Variants in CSPP1 observed in about 807,000 individuals in gnomAD.
CSPP1 encodes centrosome and spindle pole-associated protein 1.
CSPP1 carries 126 observed loss-of-function variants against 164.4 expected under a neutral mutation model. That is an observed-to-expected ratio of 0.77 (90% CI 0.66 to 0.89). The LOEUF is 0.89. CSPP1 is among the 40% of genes least tolerant of loss of function. The pLI is 0.00. For missense variants in CSPP1, 1,395 were observed against 1,449.8 expected (o/e 0.96, Z 0.61); for synonymous variants, 472 against 476.7 (o/e 0.99, Z 0.13).
At position 67,179,068 on chromosome 8, in the gene CSPP1, T is replaced by C. The variant is rs141309256; in HGVS notation, c.3157-795T>C. On this transcript the variant is annotated intron_variant, in intron 27 of 30. Coordinates refer to ENST00000678616, the MANE Select transcript of CSPP1 (RefSeq NM_001382391.1). ...TGCCTTAAAAATTAATGGACAGCTC[T>C]TTGCTGGAGTGTCCTACTGAAGCCC... is the stretch of plus-strand genomic sequence containing the variant. Among the ~76,000 whole-genome samples the C allele has an allele frequency of 8.9e-3, 1,361 of 152,296 alleles. 24 individuals are homozygous for C. Among genetic ancestry groups the C allele is most frequent in the African/African-American group, 0.031 (1,296 of 41,534 alleles).
chr8:67,128,068 T>G (rs1820446870), intron 15 of CSPP1, among the ~76,000 whole-genome samples: 1 of 152,178 alleles, frequency 6.6e-6, no homozygotes, highest in Non-Finnish European at 1.5e-5. Flanking sequence ...AGCTTTAGTC[T>G]TTCATAAGGA....
At chr8:67,137,319 G>C in intron 16 of CSPP1, 137 bp from the exon 17 acceptor site, 2 of 549,762 alleles carry the variant, frequency 3.6e-6, no homozygotes, top group Non-Finnish European at 6.1e-6. Context: ...ACCTTTGTAG[G>C]GGGGTACACT....
chr8:67,131,861 T>C, intron 15 of CSPP1, 90 bp from the exon 16 acceptor site: 1 of 1,166,968 alleles, frequency 8.6e-7, no homozygotes, highest in Non-Finnish European at 1.2e-6. Context: ...TTAAATGTAT[T>C]TATATGCCAT....
intron 19 of CSPP1, among the ~76,000 whole-genome samples, chr8:67,154,567 C>T (rs1026069307): frequency 6.6e-6 from 1 of 151,748 alleles, no homozygotes; most frequent in Admixed American, 6.6e-5. Flanking sequence ...AGGGTTTCAC[C>T]GTATTAGCCA....
intron 15 of CSPP1, among the ~76,000 whole-genome samples, chr8:67,126,085 G>A (rs1481868339): frequency 3.9e-5 from 6 of 152,190 alleles, no homozygotes; most frequent in Non-Finnish European, 2.9e-5. Flanking sequence ...GCCCGCCTCG[G>A]CCTCTCAAAG....
intron 12 of CSPP1, chr8:67,114,806 A>C (rs994311578): frequency 6.6e-6 from 1 of 152,230 alleles, no homozygotes; most frequent in Non-Finnish European, 1.5e-5. Flanking sequence ...TGGTTACACT[A>C]GTGTGTGACA....
At chr8:67,100,362 A>C (rs1182948964) in intron 7 of CSPP1, among the ~76,000 whole-genome samples, 1 of 152,112 alleles carries the variant, frequency 6.6e-6, no homozygotes, top group Non-Finnish European at 1.5e-5. Flanking sequence ...AGAGACTGTA[A>C]AAGATTTTTT....
At chr8:67,110,049 C>G (rs886534161) in intron 9 of CSPP1, among the ~76,000 whole-genome samples, 1 of 151,950 alleles carries the variant, frequency 6.6e-6, no homozygotes, top group Non-Finnish European at 1.5e-5. Context: ...ATGCAAGTTC[C>G]CACCATGAAT....
At chr8:67,192,784 T>G (rs900272429) in intron 29 of CSPP1, among the ~76,000 whole-genome samples, 3 of 152,122 alleles carry the variant, frequency 2.0e-5, no homozygotes, top group Non-Finnish European at 4.4e-5. Flanking sequence ...CACTGCATTT[T>G]GTTAACTCCG....
chr8:67,127,399 CT>C (rs1431392972), intron 15 of CSPP1, among the ~76,000 whole-genome samples: 2 of 152,078 alleles, frequency 1.3e-5, no homozygotes, highest in Non-Finnish European at 2.9e-5. Context: ...GGTCTCTGGT[CT>C]TTCCCCCACT....
intron 3 of CSPP1, among the ~76,000 whole-genome samples, chr8:67,080,352 G>A (rs1808889140): frequency 1.3e-5 from 2 of 152,188 alleles, no homozygotes; most frequent in East Asian, 1.9e-4. Context: ...ATAGCTCATA[G>A]TACAACTATC....
chr8:67,067,653 C>T (rs1306650261), intron 1 of CSPP1, among the ~76,000 whole-genome samples: 2 of 150,906 alleles, frequency 1.3e-5, no homozygotes, highest in East Asian at 2.0e-4. Flanking sequence ...TTAGTAGAGA[C>T]GGGGTTTCAC....
chr8:67,077,335 ATT>A (rs891937068), intron 3 of CSPP1, among the ~76,000 whole-genome samples: 1 of 135,502 alleles, frequency 7.4e-6, no homozygotes. Context: ...AATATATATA[ATT>A]TTTTTTTTTT....
chr8:67,175,253 AAAC>A (rs1292964982), intron 25 of CSPP1, 40 bp from the exon 26 acceptor site: 4 of 1,482,840 alleles, frequency 2.7e-6, no homozygotes, highest in African/African-American at 1.4e-5. Flanking sequence ...TCCCATTTGA[AAAC>A]AACATTTAAC....
At chr8:67,128,715 G>C (rs1290636317) in intron 15 of CSPP1, among the ~76,000 whole-genome samples, 2 of 152,086 alleles carry the variant, frequency 1.3e-5, no homozygotes. Context: ...CATTAGCACA[G>C]ACACAAGGAT....
intron 15 of CSPP1, chr8:67,123,131 A>T (rs1819315424): frequency 6.6e-6 from 1 of 152,260 alleles, no homozygotes; most frequent in Non-Finnish European, 1.5e-5. Flanking sequence ...TCCTGGCCTC[A>T]AGCGATCCTC....
In CSPP1 at chr8:67,191,979, G is replaced by A. The variant is rs536455982; in HGVS notation, c.3330+1220G>A. ...CATGGTGGTTTTGAGTTGCATTTCTGTAATGATATTGAACATCTTTTCATG... is the reference window on the plus strand; with the variant it reads ...CATGGTGGTTTTGAGTTGCATTTCTATAATGATATTGAACATCTTTTCATG... On this transcript the variant is annotated intron_variant, in intron 29 of 30. Transcript: ENST00000678616. Among the ~76,000 whole-genome samples, 9 of 151,366 alleles carry A rather than the reference G, an allele frequency of 5.9e-5. No individual in the cohort carries two copies. The South Asian group carries it at 1.9e-3, about 31-fold the overall frequency.
At chr8:67,140,851 A>G (rs1823348462) in intron 17 of CSPP1, among the ~76,000 whole-genome samples, 1 of 152,174 alleles carries the variant, frequency 6.6e-6, no homozygotes, top group Non-Finnish European at 1.5e-5. Context: ...GTCCAGGGAC[A>G]AATTGAGGAT....
chr8:67,123,269 T>TCTTTATATG (rs1819351355), intron 15 of CSPP1: 1 of 152,212 alleles, frequency 6.6e-6, no homozygotes, highest in South Asian at 2.1e-4. Context: ...CTTAGGTCTC[T>TCTTTATATG]CTTTATATGC....
Sources: gnomAD v4.1 joint callset for allele counts (sites outside exome capture counted in the v4.1 genomes callset) on GRCh38, gnomAD v4.1.1 for gene constraint, MANE v1.5 for transcripts, NCBI Gene and HGNC (gene_info 2026-07-23, HGNC 2026-07-21) for gene names.